The following PUM3 variants were observed in gnomAD, a reference collection of about 807,000 sequenced individuals.
The protein encoded by PUM3 is pumilio homolog 3.
In PUM3, 91 loss-of-function variants were observed where a neutral mutation model predicts 84.0. That is an observed-to-expected ratio of 1.08 (90% CI 0.91 to 1.29). PUM3 has a LOEUF of 1.29. Ranked by LOEUF, PUM3 falls within the 50% of genes most tolerant of loss-of-function variation. The pLI is 0.00. For synonymous variants in PUM3, 321 were observed against 266.7 expected (o/e 1.20, Z -1.98); for missense variants, 1,067 against 767.5 (o/e 1.39, Z -4.61).
intron 9 of PUM3, chr9:2,828,458 G>C (rs912114071): frequency 2.2e-6 from 1 of 444,914 alleles, no homozygotes; most frequent in African/African-American, 2.0e-5. Context: ...CATAAATCAC[G>C]AATGCATGTT....
At chr9:2,824,666 A>T (rs767671439) in intron 11 of PUM3, 51 bp downstream of exon 11, 1 of 1,188,094 alleles carries the variant, frequency 8.4e-7, no homozygotes, top group Non-Finnish European at 1.1e-6. Flanking sequence ...CTGCAGATAA[A>T]GCATGGCCCT....
In PUM3 at chr9:2,824,807, A is replaced by T; in HGVS notation, c.1044T>A (p.Ile348=). The change falls in exon 11 of 18, where the codon ATT becomes ATA. Residue 348 remains isoleucine, a synonymous_variant. Transcript: ENST00000397885. ...AGACCACCGCTTCGCGGATGGCTTC[A>T]ATCATTTCCTAGGGAACAAATGCTG... ...YAPPKLRSEM[I]EAIREAVVYL... is the part of the protein sequence containing the mutation. 1 of 1,565,046 alleles carries T rather than the reference A, an allele frequency of 6.4e-7. No individual in the cohort carries two copies. The highest frequency in any genetic ancestry group is 8.7e-7 in the Non-Finnish European group (1 of 1,148,886).
intron 15 of PUM3, 55 bp from the exon 16 acceptor site, chr9:2,810,486 C>A: frequency 8.4e-7 from 1 of 1,187,460 alleles, no homozygotes; most frequent in South Asian, 1.3e-5. Flanking sequence ...CATACAAATA[C>A]ATTTGAATGA....
At chr9:2,842,475 T>C (rs1816290155) in intron 1 of PUM3, among the ~76,000 whole-genome samples, 1 of 152,206 alleles carries the variant, frequency 6.6e-6, no homozygotes, top group Non-Finnish European at 1.5e-5. Context: ...ACTATTCTTA[T>C]CAGAATAGTG....
In PUM3 at chr9:2,824,704, C is replaced by A; in HGVS notation, c.1134+13G>T. The A allele has an allele frequency of 6.7e-7, 1 of 1,498,868 alleles. No homozygotes were observed. The highest frequency in any genetic ancestry group is 9.0e-7 in the Non-Finnish European group (1 of 1,105,110). 92.8% of individuals were successfully genotyped at this position (1,498,868 alleles called of 1,614,324 possible). A position where few individuals can be genotyped will look rare whatever the true frequency, so the allele number is the denominator to read the frequency against. ...CTTGTACAGTTTAAATGCCCAAGTG[C>A]TGTCACACTTACCTTGGGCGTGCCA... On this transcript the variant is annotated intron_variant, in intron 11 of 17. Coordinates refer to ENST00000397885, the MANE Select transcript of PUM3 (RefSeq NM_014878.5).
intron 11 of PUM3, among the ~76,000 whole-genome samples, chr9:2,824,351 T>C (rs906388050): frequency 1.3e-5 from 2 of 152,210 alleles, no homozygotes; most frequent in African/African-American, 4.8e-5. Flanking sequence ...GGAGCAAATG[T>C]GTGTGGCCAG....
chr9:2,833,307 G>A, intron 5 of PUM3, 50 bp downstream of exon 5: 1 of 959,050 alleles, frequency 1.0e-6, no homozygotes, highest in Non-Finnish European at 1.6e-6. Flanking sequence ...TCCTGAGAGT[G>A]AGGCAACTTC....
chr9:2,824,932 G>A (rs1173796114), intron 10 of PUM3, 117 bp from the exon 11 acceptor site: 1 of 499,912 alleles, frequency 2.0e-6, no homozygotes, highest in Non-Finnish European at 3.2e-6. Flanking sequence ...GAGAGTGCCA[G>A]GTAGCAAACA....
chr9:2,824,892 G>A lies in PUM3; in HGVS notation c.1036-77C>T, dbSNP rs572262918. On this transcript the variant is annotated intron_variant, in intron 10 of 17. Transcript: ENST00000397885. ...TACTGTTTTATCTGTCTGTCTACAG[G>A]GGGCAGTTATGCAGAGAGAAGGAAA... The A allele has an allele frequency of 7.9e-4, 794 of 1,001,530 alleles. 1 individual carries two copies. Among genetic ancestry groups the A allele is most frequent in the South Asian group, 2.1e-3 (94 of 44,062 alleles). 62.0% of individuals were successfully genotyped at this position (1,001,530 alleles called of 1,614,324 possible). A position where few individuals can be genotyped will look rare whatever the true frequency, so the allele number is the denominator to read the frequency against.
At position 2,807,475 on chromosome 9, in the gene PUM3, CG is replaced by C. The variant is rs111995108; in HGVS notation, c.1814+338del. Among the ~76,000 whole-genome samples, 584 of 151,040 alleles carry C rather than the reference CG, an allele frequency of 3.9e-3. 1 individual carries two copies. Among genetic ancestry groups the C allele is most frequent in the African/African-American group, 0.014 (559 of 41,168 alleles). On this transcript the variant is annotated intron_variant, in intron 17 of 17. Coordinates refer to ENST00000397885, the MANE Select transcript of PUM3 (RefSeq NM_014878.5). ...AAAATTAGTTGGGTGTGGTGGCATG[CG>C]TCTGTAGTCTCAGCTACACAGGAGG...
intron 6 of PUM3, 50 bp downstream of exon 6, chr9:2,831,201 C>G (rs974958252): frequency 7.6e-7 from 1 of 1,313,194 alleles, no homozygotes; most frequent in Non-Finnish European, 1.1e-6. Context: ...TAAGAGAAAA[C>G]AAGTGACTTA....
In PUM3 at chr9:2,833,349, C is replaced by G; in HGVS notation, c.516+8G>C. 6.6e-7 allele frequency: 1 copy of G among 1,512,884 alleles called. No homozygotes were observed. The highest frequency in any genetic ancestry group is 1.4e-5 in the African/African-American group (1 of 72,676). 93.7% of individuals were successfully genotyped at this position (1,512,884 alleles called of 1,614,324 possible). ...TAAAAATTGCAACAATGAGTATATG[C>G]TACTTACAGTTTTAATTTTCCCTTG... On this transcript the variant is annotated splice_region_variant and intron_variant, in intron 5 of 17. Transcript: ENST00000397885.
intron 7 of PUM3, among the ~76,000 whole-genome samples, chr9:2,830,604 G>A (rs983104162): frequency 6.6e-6 from 1 of 152,084 alleles, no homozygotes; most frequent in Non-Finnish European, 1.5e-5. Flanking sequence ...TTTTTACTAT[G>A]CTACAATACC....
intron 12 of PUM3, 55 bp downstream of exon 12, chr9:2,823,726 A>G (rs1815729820): frequency 9.6e-6 from 7 of 729,472 alleles, no homozygotes; most frequent in Non-Finnish European, 1.5e-5. Context: ...TATAATAGAC[A>G]TGAATTCATC....
At chr9:2,840,129 G>C (rs1428501110) in intron 1 of PUM3, among the ~76,000 whole-genome samples, 4 of 152,194 alleles carry the variant, frequency 2.6e-5, no homozygotes, top group East Asian at 1.9e-4. Context: ...CAGAGGTCAA[G>C]CTTTCTTCTG....
In PUM3 at chr9:2,829,956, C is replaced by T; in HGVS notation, c.678-8G>A. 6.3e-7 allele frequency: 1 copy of T among 1,591,940 alleles called. No individual in the cohort carries two copies. Among genetic ancestry groups the T allele is most frequent in the Non-Finnish European group, 8.6e-7 (1 of 1,165,454 alleles). On this transcript the variant is annotated splice_polypyrimidine_tract_variant and splice_region_variant and intron_variant, in intron 7 of 17. Transcript: ENST00000397885. The stretch of plus-strand genomic sequence containing the variant: ...GCAATCTGTGGTTTACTTCTAAACG[C>T]AACACAATCATGGAAAAATAAATGA...
At chr9:2,831,157 C>G (rs1187648921) in intron 6 of PUM3, 94 bp downstream of exon 6, 1 of 1,070,722 alleles carries the variant, frequency 9.3e-7, no homozygotes, top group Non-Finnish European at 1.4e-6. Flanking sequence ...CAAACCTAAA[C>G]AAAAATTGTT....
intron 13 of PUM3, among the ~76,000 whole-genome samples, chr9:2,812,704 A>G (rs1454214770): frequency 6.6e-6 from 1 of 152,244 alleles, no homozygotes; most frequent in African/African-American, 2.4e-5. Flanking sequence ...ATTTACATTT[A>G]GAACACAGAA....
chr9:2,808,256 C>T (rs1447788250), intron 16 of PUM3, among the ~76,000 whole-genome samples: 1 of 152,186 alleles, frequency 6.6e-6, no homozygotes, highest in African/African-American at 2.4e-5. Context: ...AAATGTTTCA[C>T]AGTAGCACCT....
Sources: gnomAD v4.1 joint callset for allele counts (sites outside exome capture counted in the v4.1 genomes callset) on GRCh38, gnomAD v4.1.1 for gene constraint, MANE v1.5 for transcripts, NCBI Gene and HGNC (gene_info 2026-07-23, HGNC 2026-07-21) for gene names.